PDGFC: variants seen among roughly 807,000 people sequenced by gnomAD.
PDGFC encodes platelet derived growth factor C, also known as platelet-derived growth factor C.
Under a neutral mutation model 35.5 loss-of-function variants are expected in PDGFC, and 12 were observed. The ratio of observed to expected loss-of-function variants is 0.34; its 90% CI spans 0.22 to 0.55. The LOEUF is 0.55. PDGFC is among the 20% of genes least tolerant of loss of function. PDGFC has a pLI of 0.91. For synonymous variants in PDGFC, 159 were observed against 148.8 expected (o/e 1.07, Z -0.50); for missense variants, 322 against 412.4 (o/e 0.78, Z 1.90).
intron 3 of PDGFC, among the ~76,000 whole-genome samples, chr4:156,810,153 T>A: frequency 7.5e-6 from 1 of 133,494 alleles, no homozygotes; most frequent in Non-Finnish European, 1.8e-5. Context: ...TCTTTGTCTA[T>A]CATTAACATT....
intron 1 of PDGFC, among the ~76,000 whole-genome samples, chr4:156,945,433 G>A (rs1258512013): frequency 7.4e-6 from 1 of 134,912 alleles, no homozygotes; most frequent in South Asian, 2.3e-4. Flanking sequence ...CTTTCTTCTA[G>A]ACAGAAGTCT....
intron 1 of PDGFC, among the ~76,000 whole-genome samples, chr4:156,884,460 A>T (rs1235212585): frequency 6.6e-6 from 1 of 152,234 alleles, no homozygotes; most frequent in Admixed American, 6.5e-5. Context: ...CAGCCTGAAG[A>T]AAACTCTGAC....
At chr4:156,777,095 A>C (rs775289304) in intron 3 of PDGFC, among the ~76,000 whole-genome samples, 7 of 152,066 alleles carry the variant, frequency 4.6e-5, no homozygotes, top group Admixed American at 6.5e-5. Flanking sequence ...GAGTTTTGGG[A>C]AACACTGCCC....
At chr4:156,808,006 A>C (rs937856978) in intron 3 of PDGFC, among the ~76,000 whole-genome samples, 1 of 151,964 alleles carries the variant, frequency 6.6e-6, no homozygotes, top group African/African-American at 2.4e-5. Flanking sequence ...TAAAAAGAAA[A>C]CCAGGGCAAT....
intron 1 of PDGFC, among the ~76,000 whole-genome samples, chr4:156,942,646 C>A (rs563761637): frequency 6.7e-6 from 1 of 149,510 alleles, no homozygotes; most frequent in East Asian, 2.0e-4. Flanking sequence ...AAAAAAAATA[C>A]TGCTACCAAT....
At chr4:156,932,135 T>A (rs1731564235) in intron 1 of PDGFC, among the ~76,000 whole-genome samples, 1 of 152,220 alleles carries the variant, frequency 6.6e-6, no homozygotes, top group South Asian at 2.1e-4. Flanking sequence ...AGGAGTCTAA[T>A]TCACCTTCAC....
intron 3 of PDGFC, among the ~76,000 whole-genome samples, chr4:156,789,100 C>A (rs963398649): frequency 2.0e-5 from 3 of 152,160 alleles, no homozygotes; most frequent in African/African-American, 7.2e-5. Flanking sequence ...ACTGGAAATA[C>A]TTTTGTTTTA....
chr4:156,785,049 T>A (rs1225807059), intron 3 of PDGFC, among the ~76,000 whole-genome samples: 1 of 152,144 alleles, frequency 6.6e-6, no homozygotes, highest in Non-Finnish European at 1.5e-5. Flanking sequence ...TCTCAATAAT[T>A]TTTAGTGTAC....
At chr4:156,880,370 C>G (rs1451035305) in intron 1 of PDGFC, among the ~76,000 whole-genome samples, 2 of 151,642 alleles carry the variant, frequency 1.3e-5, no homozygotes, top group East Asian at 1.9e-4. Flanking sequence ...AATAGAACAA[C>G]AAAGCCTGGG....
intron 1 of PDGFC, among the ~76,000 whole-genome samples, chr4:156,899,017 T>C (rs932259150): frequency 3.3e-5 from 5 of 152,202 alleles, no homozygotes; most frequent in African/African-American, 1.2e-4. Context: ...TTTTCCAGGT[T>C]TTCCATCTCT....
chr4:156,870,693 A>G (rs1483563398), intron 1 of PDGFC, among the ~76,000 whole-genome samples: 1 of 152,160 alleles, frequency 6.6e-6, no homozygotes, highest in Non-Finnish European at 1.5e-5. Context: ...TTCAACCCTA[A>G]GCCGTTGATG....
At chr4:156,942,547 C>G (rs974824794) in intron 1 of PDGFC, among the ~76,000 whole-genome samples, 1 of 151,512 alleles carries the variant, frequency 6.6e-6, no homozygotes, top group African/African-American at 2.4e-5. Context: ...CATGCCCTAT[C>G]CATTTACATT....
rs79704222 is a variant in PDGFC, at chr4:156,870,053, T to C, written c.119-19637A>G. Among the ~76,000 whole-genome samples, 1,230 of 152,154 alleles carry C rather than the reference T, an allele frequency of 8.1e-3. 17 individuals are homozygous for C. The highest frequency in any genetic ancestry group is 0.028 in the African/African-American group (1,183 of 41,532). On this transcript the variant is annotated intron_variant, in intron 1 of 5. Coordinates refer to ENST00000502773, the MANE Select transcript of PDGFC (RefSeq NM_016205.3). ...ATATTGATGGCTAAGATTCTAAATA[T>C]CACTTACTGTAAGGTTCAGACTTTC...
chr4:156,764,299 G>A (rs1279766323), intron 5 of PDGFC, among the ~76,000 whole-genome samples: 1 of 152,172 alleles, frequency 6.6e-6, no homozygotes, highest in Non-Finnish European at 1.5e-5. Context: ...GGAGTATGTG[G>A]TAATATCAGA....
chr4:156,774,762 C>T (rs1042720783), intron 3 of PDGFC, among the ~76,000 whole-genome samples: 1 of 151,340 alleles, frequency 6.6e-6, no homozygotes, highest in African/African-American at 2.4e-5. Flanking sequence ...TGGCCTCCTT[C>T]CTTGCCTGGA....
chr4:156,876,151 T>A (rs1047833707), intron 1 of PDGFC, among the ~76,000 whole-genome samples: 6 of 152,102 alleles, frequency 3.9e-5, no homozygotes, highest in Non-Finnish European at 8.8e-5. Context: ...GCATATAAAG[T>A]TTCCCTATGT....
chr4:156,837,359 C>G (rs1220681608), intron 2 of PDGFC, among the ~76,000 whole-genome samples: 1 of 151,762 alleles, frequency 6.6e-6, no homozygotes, highest in Admixed American at 6.6e-5. Flanking sequence ...AGCCTGGTGA[C>G]AGAGTGAGAC....
intron 3 of PDGFC, among the ~76,000 whole-genome samples, chr4:156,806,908 C>T (rs1379641942): frequency 6.6e-6 from 1 of 151,912 alleles, no homozygotes; most frequent in African/African-American, 2.4e-5. Context: ...GAAATGTGTT[C>T]TGGGCTCTCA....
chr4:156,783,870 T>G (rs993939180), intron 3 of PDGFC, among the ~76,000 whole-genome samples: 1 of 152,158 alleles, frequency 6.6e-6, no homozygotes, highest in Non-Finnish European at 1.5e-5. Flanking sequence ...GCAAAGTACA[T>G]GACCATGGTA....
Sources: gnomAD v4.1 joint callset for allele counts (sites outside exome capture counted in the v4.1 genomes callset) on GRCh38, gnomAD v4.1.1 for gene constraint, MANE v1.5 for transcripts, NCBI Gene and HGNC (gene_info 2026-07-23, HGNC 2026-07-21) for gene names.